Variants in UVRAG observed in about 807,000 individuals in gnomAD.
UVRAG encodes UV radiation resistance associated.
In UVRAG, 19 loss-of-function variants were observed where a neutral mutation model predicts 78.0. The ratio of observed to expected loss-of-function variants is 0.24; its 90% confidence interval spans 0.17 to 0.36. The LOEUF is 0.36. Among genes scored for constraint, UVRAG ranks in the 10% least tolerant of loss-of-function variants. The pLI, the probability that UVRAG is intolerant of heterozygous loss-of-function variation, is 1.00. For missense variants in UVRAG, 740 were observed against 853.8 expected (o/e 0.87, Z 1.66); for synonymous variants, 323 against 324.6 (o/e 1.00, Z 0.05).
chr11:75,908,339 G>T (rs1947662473), intron 5 of UVRAG, among the ~76,000 whole-genome samples: 1 of 152,144 alleles, frequency 6.6e-6, no homozygotes. Context: ...CACTTGGGTT[G>T]CTTCCACCCC....
chr11:76,109,784 A>G (rs1432348238), intron 13 of UVRAG, among the ~76,000 whole-genome samples: 1 of 152,178 alleles, frequency 6.6e-6, no homozygotes, highest in Non-Finnish European at 1.5e-5. Flanking sequence ...TATTTTTACT[A>G]ATATCTTACC....
chr11:75,985,751 A>G (rs1444613760), intron 8 of UVRAG, among the ~76,000 whole-genome samples: 2 of 152,090 alleles, frequency 1.3e-5, no homozygotes, highest in African/African-American at 2.4e-5. Context: ...TCGTATTGAT[A>G]GTCAGTTGAC....
intron 12 of UVRAG, among the ~76,000 whole-genome samples, chr11:76,040,050 G>A (rs1271447490): frequency 6.6e-6 from 1 of 152,032 alleles, no homozygotes; most frequent in Non-Finnish European, 1.5e-5. Context: ...AATACTATTT[G>A]TATATATATT....
intron 12 of UVRAG, among the ~76,000 whole-genome samples, chr11:76,052,473 C>A (rs1950888673): frequency 6.6e-6 from 1 of 152,214 alleles, no homozygotes; most frequent in Admixed American, 6.5e-5. Context: ...CCACCAGCTT[C>A]ATTTCCTTAC....
intron 14 of UVRAG, among the ~76,000 whole-genome samples, chr11:76,139,009 T>C (rs1016271933): frequency 3.3e-5 from 5 of 152,248 alleles, no homozygotes; most frequent in Non-Finnish European, 7.3e-5. Context: ...TTGCCCTGTT[T>C]TGTTTTGTTT....
chr11:76,032,880 A>G (rs1950461595), intron 12 of UVRAG, among the ~76,000 whole-genome samples: 1 of 152,232 alleles, frequency 6.6e-6, no homozygotes, highest in South Asian at 2.1e-4. Flanking sequence ...AACAGTTAAC[A>G]TTGAGACATG....
At chr11:76,022,997 C>G (rs1950272587) in intron 12 of UVRAG, among the ~76,000 whole-genome samples, 1 of 152,068 alleles carries the variant, frequency 6.6e-6, no homozygotes, top group Non-Finnish European at 1.5e-5. Flanking sequence ...CTAGTTTGAA[C>G]TGATACCAGT....
At chr11:76,090,748 C>T (rs941279110) in intron 13 of UVRAG, among the ~76,000 whole-genome samples, 2 of 152,046 alleles carry the variant, frequency 1.3e-5, no homozygotes, top group Non-Finnish European at 2.9e-5. Context: ...TAACTAATTT[C>T]ATCCTAAATT....
At chr11:76,103,388 T>C (rs1363603210) in intron 13 of UVRAG, among the ~76,000 whole-genome samples, 1 of 152,166 alleles carries the variant, frequency 6.6e-6, no homozygotes, top group Non-Finnish European at 1.5e-5. Flanking sequence ...AGTCATTTTG[T>C]GATACCCAAT....
intron 7 of UVRAG, among the ~76,000 whole-genome samples, chr11:75,963,135 T>G (rs1948939676): frequency 6.6e-6 from 1 of 152,196 alleles, no homozygotes; most frequent in Non-Finnish European, 1.5e-5. Context: ...ATAATATTCA[T>G]TACCATTTAC....
At chr11:75,877,749 T>C (rs184815004) in intron 3 of UVRAG, among the ~76,000 whole-genome samples, 883 of 63,616 alleles carry the variant, frequency 0.014, 21 homozygotes, top group African/African-American at 0.037. Context: ...ACCCCCCCAC[T>C]TCCCTCCCGG....
chr11:76,134,018 A>G (rs1027467332), intron 14 of UVRAG, among the ~76,000 whole-genome samples: 4 of 148,958 alleles, frequency 2.7e-5, no homozygotes, highest in Admixed American at 1.3e-4. Flanking sequence ...CAGTACTGCA[A>G]TCTCGGTTCA....
At chr11:76,028,713 G>C (rs1265334312) in intron 12 of UVRAG, among the ~76,000 whole-genome samples, 9 of 152,168 alleles carry the variant, frequency 5.9e-5, no homozygotes, top group Admixed American at 5.2e-4. Context: ...AAATCTGAGA[G>C]AAATGAGGAA....
intron 11 of UVRAG, among the ~76,000 whole-genome samples, chr11:76,009,676 C>T (rs759760896): frequency 3.9e-5 from 6 of 152,118 alleles, no homozygotes; most frequent in Non-Finnish European, 7.4e-5. Flanking sequence ...GATCATTTAA[C>T]ATCTAAGAGT....
In UVRAG at chr11:76,141,475, A is replaced by G; in HGVS notation, c.*62A>G. The stretch of plus-strand genomic sequence containing the variant: ...CTGCCTAAAATGAAGTGAAAGCTGC[A>G]CTTAACCCTTTGTGATAATGATGAC... On this transcript the variant is annotated 3_prime_UTR_variant, in exon 15 of 15. Coordinates refer to ENST00000356136, the MANE Select transcript of UVRAG (RefSeq NM_003369.4). 6.9e-7 allele frequency: 1 copy of G among 1,459,490 alleles called. No individual in the cohort carries two copies. The highest frequency in any genetic ancestry group is 1.3e-5 in the South Asian group (1 of 79,040). The allele number at this position is 1,459,490 out of a possible 1,614,324, so 90.4% of individuals were successfully genotyped here.
chr11:76,086,689 A>G (rs768409339), intron 13 of UVRAG, among the ~76,000 whole-genome samples: 77 of 152,242 alleles, frequency 5.1e-4, no homozygotes, highest in Non-Finnish European at 8.7e-4. Context: ...ATCATATTTT[A>G]TCATAAGCAT....
chr11:75,819,457 C>G (rs115934895), intron 1 of UVRAG, among the ~76,000 whole-genome samples: 5 of 152,070 alleles, frequency 3.3e-5, no homozygotes, highest in Non-Finnish European at 7.4e-5. Context: ...AAGCAATCCT[C>G]CCACCTCAGC....
chr11:75,868,831 T>C (rs563375668), intron 3 of UVRAG, among the ~76,000 whole-genome samples: 2 of 152,336 alleles, frequency 1.3e-5, no homozygotes, highest in South Asian at 4.1e-4. Context: ...TCATTGGTTA[T>C]TTTCCCAAAA....
rs1023632799 is a variant in UVRAG, at chr11:75,983,681, G to A, written c.826+168G>A. ...CCTTTGGTGATTTCCTTGCTGAGCTGCCATCATAGAGTATGTTTACACAAG... is the reference window on the plus strand; with the variant it reads ...CCTTTGGTGATTTCCTTGCTGAGCTACCATCATAGAGTATGTTTACACAAG... On this transcript the variant is annotated intron_variant, in intron 8 of 14. Transcript: ENST00000356136. 47 of 945,114 alleles carry A rather than the reference G, an allele frequency of 5.0e-5. No homozygotes were observed. The African/African-American group carries it at 7.5e-4, about 15-fold the overall frequency. 58.5% of individuals were successfully genotyped at this position (945,114 alleles called of 1,614,324 possible).
Sources: gnomAD v4.1 joint callset for allele counts (sites outside exome capture counted in the v4.1 genomes callset) on GRCh38, gnomAD v4.1.1 for gene constraint, MANE v1.5 for transcripts, NCBI Gene and HGNC (gene_info 2026-07-23, HGNC 2026-07-21) for gene names.